Variants in BAZ1B observed in about 807,000 individuals in gnomAD.
BAZ1B encodes bromodomain adjacent to zinc finger domain 1B.
BAZ1B carries 22 observed loss-of-function variants against 153.8 expected under a neutral mutation model. The ratio of observed to expected loss-of-function variants is 0.14; its 90% CI spans 0.10 to 0.20. The LOEUF (loss-of-function observed/expected upper bound fraction) is 0.20. BAZ1B is among the 10% of genes least tolerant of loss of function. The pLI is 1.00. For synonymous variants in BAZ1B, 676 were observed against 633.4 expected (o/e 1.07, Z -1.01); for missense variants, 1,325 against 1,799.3 (o/e 0.74, Z 4.77).
intron 1 of BAZ1B, among the ~76,000 whole-genome samples, chr7:73,512,748 AAGTG>A (rs782274039): frequency 5.9e-5 from 9 of 152,258 alleles, no homozygotes; most frequent in Non-Finnish European, 1.3e-4. Context: ...TGTATATTCC[AAGTG>A]ACACATTTTA....
At position 73,522,062 on chromosome 7, in the gene BAZ1B, C is replaced by G. The variant is rs1791083057; in HGVS notation, c.-129G>C. 1.7e-6 allele frequency: 1 copy of G among 580,302 alleles called. No individual in the cohort carries two copies. Among genetic ancestry groups the G allele is most frequent in the Non-Finnish European group, 2.5e-6 (1 of 394,028 alleles). 35.9% of individuals were successfully genotyped at this position (580,302 alleles called of 1,614,324 possible). A position where few individuals can be genotyped will look rare whatever the true frequency, so the allele number is the denominator to read the frequency against. On this transcript the variant is annotated 5_prime_UTR_variant, in exon 1 of 20. Coordinates refer to ENST00000339594, the MANE Select transcript of BAZ1B (RefSeq NM_032408.4). ...GGGGAAGGGAGGGGTGAGAGGGCGG[C>G]GCGAACTCCGGCTCCCTCACCGCCG... is the stretch of plus-strand genomic sequence containing the variant.
At chr7:73,463,234 T>C (rs1788458202) in intron 11 of BAZ1B, 135 bp from the exon 12 acceptor site, 1 of 813,964 alleles carries the variant, frequency 1.2e-6, no homozygotes, top group Non-Finnish European at 1.9e-6. Context: ...TGTTTTTTCT[T>C]TTTTCTTTTT....
At chr7:73,485,015 A>G (rs1222555455) in intron 6 of BAZ1B, among the ~76,000 whole-genome samples, 1 of 152,186 alleles carries the variant, frequency 6.6e-6, no homozygotes, top group African/African-American at 2.4e-5. Flanking sequence ...AGTAAAAACT[A>G]TAGATTAGAT....
In BAZ1B at chr7:73,477,414, A is replaced by G; in HGVS notation, c.2047T>C (p.Leu683=). The stretch of plus-strand genomic sequence containing the variant: ...AGCTCTGAAACAGAATGCAGAGTCA[A>G]GGGGATTTCCGACAGCTTCATTCCC... ...ELGMKLSEIP[L]TLHSVSELVR... is the part of the protein sequence containing the mutation. Residue 683 remains leucine, a synonymous_variant, in exon 7 of 20, where the codon TTG becomes CTG. Coordinates refer to ENST00000339594, the MANE Select transcript of BAZ1B (RefSeq NM_032408.4). This position sits in a 1 kb window ranked among gnomAD's most constrained non-coding sequence, Gnocchi z 5.6. 3 of 1,614,254 alleles carry G rather than the reference A, an allele frequency of 1.9e-6. No individual in the cohort carries two copies. The highest frequency in any genetic ancestry group is 2.5e-6 in the Non-Finnish European group (3 of 1,180,046).
At position 73,448,056 on chromosome 7, in the gene BAZ1B, G is replaced by A. The variant is rs559591830; in HGVS notation, c.3729-677C>T. On this transcript the variant is annotated intron_variant, in intron 15 of 19. Coordinates refer to ENST00000339594, the MANE Select transcript of BAZ1B (RefSeq NM_032408.4). ...ACCGTGGCTCACGCCTGTAATCCCAGCACTTTGGGAGGCTGAGGCAGGCGG... is the reference window on the plus strand; with the variant it reads ...ACCGTGGCTCACGCCTGTAATCCCAACACTTTGGGAGGCTGAGGCAGGCGG... Among the ~76,000 whole-genome samples, 3 of 152,320 alleles carry A rather than the reference G, an allele frequency of 2.0e-5. No individual in the cohort carries two copies. In the South Asian group the frequency reaches 6.2e-4, roughly 32 times the overall value.
chr7:73,480,984 T>G (rs1232470742), intron 6 of BAZ1B, among the ~76,000 whole-genome samples: 1 of 152,144 alleles, frequency 6.6e-6, no homozygotes, highest in Admixed American at 6.5e-5. Context: ...CGGAGTGCAG[T>G]AGCGCAATCC....
chr7:73,451,919 C>T (rs1387712779), intron 13 of BAZ1B, among the ~76,000 whole-genome samples: 1 of 152,198 alleles, frequency 6.6e-6, no homozygotes. Context: ...ATTTCAGGTT[C>T]GGTTCTTTAA....
At chr7:73,456,931 C>CT (rs1788223227) in intron 13 of BAZ1B, among the ~76,000 whole-genome samples, 1 of 93,062 alleles carries the variant, frequency 1.1e-5, no homozygotes, top group African/African-American at 4.3e-5. Context: ...GACAGAGACT[C>CT]TGTCTCAAAA....
intron 1 of BAZ1B, 62 bp downstream of exon 1, chr7:73,521,765 G>A (rs1791057671): frequency 3.7e-6 from 5 of 1,359,804 alleles, no homozygotes; most frequent in African/African-American, 1.5e-5. Context: ...GGTCTCGCGA[G>A]CCCCAGGCCC....
chr7:73,494,973 C>A (rs1789816542), intron 4 of BAZ1B, among the ~76,000 whole-genome samples: 1 of 152,148 alleles, frequency 6.6e-6, no homozygotes. Context: ...CAGCTTTACA[C>A]ATGTTGAATC....
chr7:73,458,343 C>T (rs1563368510), intron 13 of BAZ1B, among the ~76,000 whole-genome samples: 1 of 152,026 alleles, frequency 6.6e-6, no homozygotes, highest in Non-Finnish European at 1.5e-5. Context: ...TGCAAAACAA[C>T]GTGAATATAC....
chr7:73,444,703 A>G (rs1367980792), intron 16 of BAZ1B, among the ~76,000 whole-genome samples: 2 of 152,190 alleles, frequency 1.3e-5, no homozygotes, highest in Non-Finnish European at 2.9e-5. Flanking sequence ...AGCCCTGCCC[A>G]GGATCCCCAA....
At chr7:73,486,511 A>G (rs1789412120) in intron 6 of BAZ1B, among the ~76,000 whole-genome samples, 1 of 152,054 alleles carries the variant, frequency 6.6e-6, no homozygotes. Context: ...TATTTTTAGT[A>G]GAGACGGGGT....
chr7:73,477,622 C>A lies in BAZ1B; in HGVS notation c.1839G>T (p.Val613=), dbSNP rs1356242116. 1 of 1,614,058 alleles carries A rather than the reference C, an allele frequency of 6.2e-7. No individual in the cohort carries two copies. The highest frequency in any genetic ancestry group is 8.5e-7 in the Non-Finnish European group (1 of 1,180,040). ...CAGAATAACAGCTCAAGAATTCCAC[C>A]ACCATGGCCACATCCCCAAACAGCG... ...PNTLFGDVAM[V]VEFLSCYSGL... is the part of the protein sequence containing the mutation. The change falls in exon 7 of 20, where the codon GTG becomes GTT. Residue 613 remains valine, a synonymous_variant. Coordinates refer to ENST00000339594, the MANE Select transcript of BAZ1B (RefSeq NM_032408.4). The surrounding 1 kb of genome is among the most constrained non-coding windows in gnomAD (Gnocchi z 5.6).
intron 15 of BAZ1B, among the ~76,000 whole-genome samples, chr7:73,447,813 G>A (rs1323036399): frequency 6.6e-6 from 1 of 152,192 alleles, no homozygotes; most frequent in Non-Finnish European, 1.5e-5. Flanking sequence ...TCACCTTGAT[G>A]GCCCCCTTCC....
intron 15 of BAZ1B, 47 bp downstream of exon 15, chr7:73,449,495 T>C: frequency 6.4e-7 from 1 of 1,565,058 alleles, no homozygotes; most frequent in Non-Finnish European, 8.6e-7. Flanking sequence ...TTATAACAGC[T>C]ATTCATATTT....
Position 73,483,892 on chromosome 7 carries a change from AG to A in BAZ1B, c.891+5301del, listed in dbSNP as rs575940811. On this transcript the variant is annotated intron_variant, in intron 6 of 19. Coordinates refer to ENST00000339594, the MANE Select transcript of BAZ1B (RefSeq NM_032408.4). ...TGGGCTCAAGCAATCCTCCCACCTC[AG>A]CCCCTCAAACTGCTGAAATTACAAG... 3.7e-3 allele frequency among the ~76,000 whole-genome samples: 565 copies of A among 152,204 alleles called. 4 individuals carry two copies. The highest frequency in any genetic ancestry group is 6.2e-3 in the Non-Finnish European group (421 of 68,004).
intron 6 of BAZ1B, among the ~76,000 whole-genome samples, chr7:73,485,869 A>T (rs1462284447): frequency 6.6e-6 from 1 of 152,194 alleles, no homozygotes; most frequent in Non-Finnish European, 1.5e-5. Flanking sequence ...ACTAGGATTT[A>T]TCAGTCTAAA....
At chr7:73,505,529 A>G (rs1790302801) in intron 3 of BAZ1B, among the ~76,000 whole-genome samples, 1 of 152,186 alleles carries the variant, frequency 6.6e-6, no homozygotes, top group African/African-American at 2.4e-5. Flanking sequence ...GTTAGAACTG[A>G]AAAATGTTAG....
Sources: gnomAD v4.1 joint callset for allele counts (sites outside exome capture counted in the v4.1 genomes callset) on GRCh38, gnomAD v4.1.1 for gene constraint, Gnocchi (gnomAD v3.1) non-coding constraint, MANE v1.5 for transcripts, NCBI Gene and HGNC (gene_info 2026-07-23, HGNC 2026-07-21) for gene names.